The following SARS2 variants were observed in gnomAD, a reference collection of about 807,000 sequenced individuals.
The protein encoded by SARS2 is seryl-tRNA synthetase 2, mitochondrial.
In SARS2, 52 loss-of-function variants were observed where a neutral mutation model predicts 66.8. The ratio of observed to expected loss-of-function variants is 0.78; its 90% confidence interval spans 0.62 to 0.98. SARS2 has a LOEUF of 0.98. SARS2 is among the 50% of genes least tolerant of loss of function. SARS2 has a pLI of 0.00. For synonymous variants in SARS2, 306 were observed against 281.4 expected (o/e 1.09, Z -0.87); for missense variants, 673 against 706.3 (o/e 0.95, Z 0.53).
At position 38,915,749 on chromosome 19, in the gene SARS2, C is replaced by T; in HGVS notation, c.1414G>A (p.Asp472Asn). Residue 472 changes from aspartate (D) to asparagine (N), a missense_variant and splice_region_variant, in exon 16 of 16, where the codon GAC becomes AAC. Transcript: ENST00000221431. ...IALLESNQQK[D>N]GSVLVPPALQ... ...GCAGGGGGCACGAGCACTGAGCCGT[C>T]CTGGGGACAGAGCAGACCTCAGGAC... 6.2e-7 allele frequency: 1 copy of T among 1,613,408 alleles called. No individual in the cohort carries two copies. Among genetic ancestry groups the T allele is most frequent in the Non-Finnish European group, 8.5e-7 (1 of 1,179,982 alleles).
intron 1 of SARS2, among the ~76,000 whole-genome samples, chr19:38,929,426 T>C (rs1974690347): frequency 6.6e-6 from 1 of 151,910 alleles, no homozygotes; most frequent in South Asian, 2.1e-4. Context: ...CGTGGTGGTG[T>C]CTGCCTGTAG....
chr19:38,928,839 A>G (rs941078247), intron 1 of SARS2, among the ~76,000 whole-genome samples: 1 of 152,212 alleles, frequency 6.6e-6, no homozygotes, highest in Non-Finnish European at 1.5e-5. Context: ...TATAATGAGT[A>G]TATCTGTCTC....
chr19:38,920,915 A>T (rs1488094497), intron 5 of SARS2, among the ~76,000 whole-genome samples: 1 of 151,268 alleles, frequency 6.6e-6, no homozygotes, highest in Non-Finnish European at 1.5e-5. Context: ...AGATATACAC[A>T]CACAGAGATA....
At chr19:38,924,632 T>C (rs1468042487) in intron 2 of SARS2, among the ~76,000 whole-genome samples, 1 of 152,048 alleles carries the variant, frequency 6.6e-6, no homozygotes, top group African/African-American at 2.4e-5. Flanking sequence ...GCTGTGAGAC[T>C]TACGTACTTT....
rs367763180 is a variant in SARS2 at position 38,915,691 on chromosome 19, G to A, written c.1472C>T (p.Thr491Ile). The A allele has an allele frequency of 6.2e-7, 1 of 1,613,348 alleles. No individual in the cohort carries two copies. The highest frequency in any genetic ancestry group is 1.7e-4 in the Middle Eastern group (1 of 5,992). ...CTGGAGAGGCACGTGGGTAGGGGCT[G>A]TGATCCGATCAGTGCCGAGGTAGGA... Reference protein sequence around the residue: ...LQSYLGTDRITAPTHVPLQYI... With the variant: ...LQSYLGTDRIIAPTHVPLQYI... Residue 491 changes from threonine (T) to isoleucine (I), a missense_variant, in exon 16 of 16, where the codon ACA (threonine) becomes ATA (isoleucine). By Grantham distance (89) the Thr-to-Ile change is moderately conservative. Transcript: ENST00000221431.
At chr19:38,924,554 C>A (rs1974596856) in intron 2 of SARS2, among the ~76,000 whole-genome samples, 1 of 152,208 alleles carries the variant, frequency 6.6e-6, no homozygotes, top group African/African-American at 2.4e-5. Context: ...TTCTTGGTGG[C>A]AGAGGCCTCC....
At position 38,930,680 on chromosome 19, in the gene SARS2, C is replaced by T. The variant is rs749842335; in HGVS notation, c.57G>A (p.Arg19=). 3.1e-6 allele frequency: 5 copies of T among 1,613,904 alleles called. No individual in the cohort carries two copies. In the African/African-American group the frequency reaches 6.7e-5, roughly 22 times the overall value. The change falls in exon 1 of 16, where the codon CGG becomes CGA. Residue 19 remains arginine (R), a synonymous_variant. Coordinates refer to ENST00000221431, the MANE Select transcript of SARS2 (RefSeq NM_017827.4). ...LWPLLTRRGF[R]PRGGCISNDS... ...CGTTGGAGATGCAGCCTCCCCGGGG[C>T]CGGAACCCCCGACGAGTCAGCAAAG... is the stretch of plus-strand genomic sequence containing the variant.
rs761935623 is a variant in SARS2 at position 38,916,221 on chromosome 19, C to T, written c.1254G>A (p.Glu418=). 5 of 1,614,018 alleles carry T rather than the reference C, an allele frequency of 3.1e-6. No individual in the cohort carries two copies. Among genetic ancestry groups the T allele is most frequent in the Non-Finnish European group, 4.2e-6 (5 of 1,179,928 alleles). Residue 418 remains glutamate, a splice_region_variant and synonymous_variant, in exon 13 of 16, where the codon GAG becomes GAA. Transcript: ENST00000221431. The part of the protein sequence containing the change: ...AWMPGRGRFG[E]VTSASNCTDF... Reference sequence around the variant, plus strand: ...CCGTCCCCAGCGGCACAGGGCTCACCTCTCCAAAGCGGCCTCGGCCTGGCA... The same window carrying T: ...CCGTCCCCAGCGGCACAGGGCTCACTTCTCCAAAGCGGCCTCGGCCTGGCA...
Position 38,916,215 on chromosome 19 carries a change from G to A in SARS2, c.1254+6C>T, listed in dbSNP as rs1430494537. 6 of 1,613,872 alleles carry A rather than the reference G, an allele frequency of 3.7e-6. No homozygotes were observed. In the African/African-American group the frequency reaches 4.0e-5, roughly 11 times the overall value. Reference sequence around the variant, plus strand: ...CCCACCCCGTCCCCAGCGGCACAGGGCTCACCTCTCCAAAGCGGCCTCGGC... The same window carrying A: ...CCCACCCCGTCCCCAGCGGCACAGGACTCACCTCTCCAAAGCGGCCTCGGC... On this transcript the variant is annotated splice_donor_region_variant and intron_variant, in intron 13 of 15. Coordinates refer to ENST00000221431, the MANE Select transcript of SARS2 (RefSeq NM_017827.4).
intron 1 of SARS2, 70 bp downstream of exon 1, chr19:38,930,400 G>A (rs973105175): frequency 2.2e-5 from 34 of 1,517,442 alleles, no homozygotes; most frequent in African/African-American, 1.7e-4. Context: ...CCTGCCGGAG[G>A]GCATCTTGCA....
intron 5 of SARS2, among the ~76,000 whole-genome samples, chr19:38,920,590 CAG>C (rs1397690502): frequency 1.3e-5 from 2 of 151,492 alleles, no homozygotes; most frequent in Non-Finnish European, 2.9e-5. Context: ...CATACACACA[CAG>C]AGATACACAC....
chr19:38,916,310 G>C lies in SARS2; in HGVS notation c.1165C>G (p.Leu389Val). 2 of 1,614,000 alleles carry C rather than the reference G, an allele frequency of 1.2e-6. No homozygotes were observed. The highest frequency in any genetic ancestry group is 1.6e-4 in the Middle Eastern group (1 of 6,062). ...CCCAGTTCTTGGGTGGGCATATCCAGGACCCTGCGGTCAAGGACGAAGGTG... is the reference window on the plus strand; with the variant it reads ...CCCAGTTCTTGGGTGGGCATATCCACGACCCTGCGGTCAAGGACGAAGGTG... ...LTELGLHFRVLDMPTQELGLP... is the reference protein window; with the variant it reads ...LTELGLHFRVVDMPTQELGLP... The change falls in exon 13 of 16, where the codon CTG becomes GTG. Residue 389 changes from leucine to valine, a missense_variant. By Grantham distance (32) the Leu-to-Val change is conservative. Coordinates refer to ENST00000221431, the MANE Select transcript of SARS2 (RefSeq NM_017827.4).
In SARS2 at chr19:38,930,750, C is replaced by T; in HGVS notation, c.-14G>A. 6.2e-7 allele frequency: 1 copy of T among 1,611,042 alleles called. No individual in the cohort carries two copies. The highest frequency in any genetic ancestry group is 8.5e-7 in the Non-Finnish European group (1 of 1,179,984). The stretch of plus-strand genomic sequence containing the variant: ...GGACGCAGCCATCTTGGACCGGGAA[C>T]AAGGCGGCACTTCGTCCCGCCCACT... On this transcript the variant is annotated 5_prime_UTR_variant, in exon 1 of 16. Coordinates refer to ENST00000221431, the MANE Select transcript of SARS2 (RefSeq NM_017827.4).
At chr19:38,927,479 G>A (rs1166218156) in intron 1 of SARS2, among the ~76,000 whole-genome samples, 5 of 151,594 alleles carry the variant, frequency 3.3e-5, no homozygotes, top group Non-Finnish European at 4.4e-5. Flanking sequence ...AGGATTGCTT[G>A]TGCTTGAGCC....
chr19:38,928,382 A>C (rs1974665259), intron 1 of SARS2: 1 of 151,354 alleles, frequency 6.6e-6, no homozygotes, highest in East Asian at 2.0e-4. Context: ...AGTCTTAAAA[A>C]ACAAACGAAC....
chr19:38,919,478 C>T (rs1010922089), intron 7 of SARS2, among the ~76,000 whole-genome samples: 10 of 152,128 alleles, frequency 6.6e-5, no homozygotes, highest in Non-Finnish European at 1.0e-4. Flanking sequence ...CAGTGAGGTG[C>T]AATGATTACA....
chr19:38,919,369 C>CT (rs1974477165), intron 7 of SARS2, among the ~76,000 whole-genome samples: 1 of 152,236 alleles, frequency 6.6e-6, no homozygotes, highest in African/African-American at 2.4e-5. Flanking sequence ...CTGAAAATGT[C>CT]TGAGTTCCTC....
intron 12 of SARS2, among the ~76,000 whole-genome samples, chr19:38,916,723 C>T (rs1031641883): frequency 6.9e-6 from 1 of 144,196 alleles, no homozygotes; most frequent in African/African-American, 2.6e-5. Flanking sequence ...AGAGCAGTGG[C>T]GCGATCTCGG....
chr19:38,921,365 A>G (rs1490447173), intron 5 of SARS2, 27 bp downstream of exon 5: 1 of 1,611,122 alleles, frequency 6.2e-7, no homozygotes, highest in Non-Finnish European at 8.5e-7. Context: ...AGGGCTTGTC[A>G]GCTCCCAGGC....
Sources: gnomAD v4.1 joint callset for allele counts (sites outside exome capture counted in the v4.1 genomes callset) on GRCh38, gnomAD v4.1.1 for gene constraint, MANE v1.5 for transcripts, NCBI Gene and HGNC (gene_info 2026-07-23, HGNC 2026-07-21) for gene names.